The following SLC36A2 variants were observed in gnomAD, a reference collection of about 807,000 sequenced individuals.
SLC36A2 encodes solute carrier family 36 member 2.
SLC36A2 carries 39 observed loss-of-function variants against 42.7 expected under a neutral mutation model. The observed-to-expected ratio is 0.91, with a 90% CI of 0.71 to 1.19. The LOEUF is 1.19. Among genes scored for constraint, SLC36A2 ranks in the 50% most tolerant of loss-of-function variants. The pLI, the probability that SLC36A2 is intolerant of heterozygous loss-of-function variation, is 0.00. For synonymous variants in SLC36A2, 237 were observed against 240.8 expected, an observed-to-expected ratio of 0.98 and a Z score of 0.15; for missense variants, 590 against 613.7, an observed-to-expected ratio of 0.96 and a Z score of 0.41.
chr5:151,335,339 T>C lies in SLC36A2; in HGVS notation c.734A>G (p.Tyr245Cys). The C allele has an allele frequency of 6.2e-7, 1 of 1,612,404 alleles. No individual in the cohort carries two copies. ...MLVSLVIIIQ[Y>C]ITQEIPDPSR... ...ATGGTGTGCACTCACCTGGGTAATG[T>C]ACTGTATGATGATGACCAAGCTGAC... Residue 245 changes from tyrosine (Y) to cysteine (C), a missense_variant, in exon 6 of 10, where the codon TAC becomes TGC. Transcript: ENST00000335244.
At position 151,317,020 on chromosome 5, in the gene SLC36A2, C is replaced by T. The variant is rs201209744; in HGVS notation, c.1249G>A (p.Ala417Thr). 68 of 1,613,880 alleles carry T rather than the reference C, an allele frequency of 4.2e-5. No individual in the cohort carries two copies. Among genetic ancestry groups the T allele is most frequent in the Admixed American group, 6.7e-5 (4 of 59,988 alleles). ...AGCGGTGGGATGATGAGGGCCAGGG[C>T]GGTGCCACTCACGGAGCCCACCAGG... is the stretch of plus-strand genomic sequence containing the variant. Reference protein sequence around the residue: ...ISLVGSVSGTALALIIPPLLE... With the variant: ...ISLVGSVSGTTLALIIPPLLE... Residue 417 changes from alanine to threonine, a missense_variant, in exon 10 of 10, where the codon GCC becomes ACC. Physicochemically the swap from Ala to Thr is moderately conservative, Grantham distance 58. Coordinates refer to ENST00000335244, the MANE Select transcript of SLC36A2 (RefSeq NM_181776.3).
At chr5:151,322,015 G>C (rs376635179) in intron 9 of SLC36A2, 31 bp downstream of exon 9, 9 of 1,613,638 alleles carry the variant, frequency 5.6e-6, no homozygotes, top group Non-Finnish European at 7.6e-6. Context: ...GAAAAGATCA[G>C]CAGGAACACT....
rs1439097104 is a variant in SLC36A2 at position 151,324,812 on chromosome 5, A to T, written c.1010+474T>A. 2.6e-5 allele frequency among the ~76,000 whole-genome samples: 4 copies of T among 152,084 alleles called. No individual in the cohort carries two copies. The East Asian group carries it at 7.7e-4, about 29-fold the overall frequency. Reference sequence around the variant, plus strand: ...CATCATACTCAGCTAAGCTATGGAAATTTTTTTTGTAGAAGTGGGGTCTTA... The same window carrying T: ...CATCATACTCAGCTAAGCTATGGAATTTTTTTTTGTAGAAGTGGGGTCTTA... On this transcript the variant is annotated intron_variant, in intron 8 of 9. Transcript: ENST00000335244.
intron 8 of SLC36A2, among the ~76,000 whole-genome samples, chr5:151,323,467 A>G (rs1580846083): frequency 6.6e-6 from 1 of 152,172 alleles, no homozygotes; most frequent in East Asian, 1.9e-4. Flanking sequence ...ATCCTTGTAG[A>G]CACAGCTCAA....
At chr5:151,322,738 A>G (rs61067578) in intron 8 of SLC36A2, among the ~76,000 whole-genome samples, 21,552 of 152,212 alleles carry the variant, frequency 0.14, 1,964 homozygotes, top group East Asian at 0.4. Context: ...GACAGTTTAT[A>G]AATAGGGTTG....
At chr5:151,321,205 C>T (rs1464209066) in intron 9 of SLC36A2, among the ~76,000 whole-genome samples, 1 of 151,946 alleles carries the variant, frequency 6.6e-6, no homozygotes, top group Non-Finnish European at 1.5e-5. Context: ...GACTCTGTTG[C>T]CCAGGCTGGA....
rs2127294555 is a variant in SLC36A2 at position 151,335,407 on chromosome 5, C to T, written c.666G>A (p.Arg222=). The T allele has an allele frequency of 6.2e-7, 1 of 1,614,066 alleles. No homozygotes were observed. Among genetic ancestry groups the T allele is most frequent in the Non-Finnish European group, 8.5e-7 (1 of 1,180,010 alleles). Reference sequence around the variant, plus strand: ...CCAGCATGGAGAAGATGGTCAAGATCCTGAGGTTCCGGATGAGGACCAGCA... The same window carrying T: ...CCAGCATGGAGAAGATGGTCAAGATTCTGAGGTTCCGGATGAGGACCAGCA... ...LVLLVLIRNL[R]ILTIFSMLAN... The change falls in exon 6 of 10, where the codon AGG becomes AGA. Residue 222 remains arginine (R), a synonymous_variant. Coordinates refer to ENST00000335244, the MANE Select transcript of SLC36A2 (RefSeq NM_181776.3).
chr5:151,342,621 C>T (rs1476110032), intron 4 of SLC36A2, among the ~76,000 whole-genome samples: 3 of 152,148 alleles, frequency 2.0e-5, no homozygotes, highest in Non-Finnish European at 4.4e-5. Flanking sequence ...ATGACATGTC[C>T]AGGGCCATAG....
intron 7 of SLC36A2, among the ~76,000 whole-genome samples, chr5:151,332,059 G>A (rs1326839574): frequency 1.3e-5 from 2 of 151,998 alleles, no homozygotes; most frequent in African/African-American, 4.8e-5. Context: ...TAGAGACGGG[G>A]TTTCACTATG....
intron 2 of SLC36A2, among the ~76,000 whole-genome samples, 180 bp downstream of exon 2, chr5:151,343,997 G>A (rs1470580419): frequency 6.6e-6 from 1 of 152,136 alleles, no homozygotes; most frequent in East Asian, 1.9e-4. Flanking sequence ...CTTACCAAAG[G>A]TACTAAAGTC....
rs565020216 is a variant in SLC36A2 at position 151,322,575 on chromosome 5, T to C, written c.1011-360A>G. Among the ~76,000 whole-genome samples the C allele has an allele frequency of 5.3e-4, 80 of 152,364 alleles. 1 individual carries two copies. The South Asian group carries it at 0.015, about 29-fold the overall frequency. ...GATACTTTGCCCAGGGAGACACAGA[T>C]GATAAGTGGCTAAGACCAAAAGCCC... is the stretch of plus-strand genomic sequence containing the variant. On this transcript the variant is annotated intron_variant, in intron 8 of 9. Transcript: ENST00000335244.
intron 4 of SLC36A2, among the ~76,000 whole-genome samples, chr5:151,341,868 A>G (rs1756355266): frequency 6.6e-6 from 1 of 152,196 alleles, no homozygotes; most frequent in African/African-American, 2.4e-5. Context: ...AGAAGTGATC[A>G]TAAATCTGAG....
chr5:151,329,036 C>T (rs1257650030), intron 7 of SLC36A2, among the ~76,000 whole-genome samples: 2 of 152,226 alleles, frequency 1.3e-5, no homozygotes, highest in Admixed American at 6.5e-5. Context: ...GGCGAGTGTG[C>T]GGGAAAACAC....
rs540595220 is a variant in SLC36A2 at position 151,315,576 on chromosome 5, G to A, written c.*1241C>T. ...CAGGAGGTGGAGGTTGCAGTGAGCC[G>A]AGATTGTGCCATTGCACTCCAGCCT... On this transcript the variant is annotated 3_prime_UTR_variant, in exon 10 of 10. Coordinates refer to ENST00000335244, the MANE Select transcript of SLC36A2 (RefSeq NM_181776.3). 2.6e-3 allele frequency: 398 copies of A among 152,346 alleles called. 1 individual carries two copies. Among genetic ancestry groups the A allele is most frequent in the African/African-American group, 8.4e-3 (347 of 41,550 alleles). 9.4% of individuals were successfully genotyped at this position (152,346 alleles called of 1,614,324 possible).
intron 4 of SLC36A2, among the ~76,000 whole-genome samples, chr5:151,339,530 G>A (rs1008696239): frequency 6.6e-6 from 1 of 152,056 alleles, no homozygotes; most frequent in Non-Finnish European, 1.5e-5. Flanking sequence ...GGCTGATCTC[G>A]ATCTCCCGAC....
At chr5:151,341,878 G>A (rs904604512) in intron 4 of SLC36A2, among the ~76,000 whole-genome samples, 1 of 152,110 alleles carries the variant, frequency 6.6e-6, no homozygotes, top group African/African-American at 2.4e-5. Context: ...ATAAATCTGA[G>A]TCAATCTCGA....
At chr5:151,323,828 T>G (rs1755774449) in intron 8 of SLC36A2, among the ~76,000 whole-genome samples, 1 of 152,246 alleles carries the variant, frequency 6.6e-6, no homozygotes, top group African/African-American at 2.4e-5. Flanking sequence ...TCTACTCACA[T>G]CAGTGCCACT....
intron 7 of SLC36A2, among the ~76,000 whole-genome samples, chr5:151,332,245 A>G (rs913515185): frequency 5.3e-5 from 8 of 152,168 alleles, no homozygotes; most frequent in African/African-American, 1.9e-4. Context: ...ATATTTGCAA[A>G]CCATTTTTCT....
At chr5:151,341,721 C>T (rs1756350285) in intron 4 of SLC36A2, among the ~76,000 whole-genome samples, 1 of 152,134 alleles carries the variant, frequency 6.6e-6, no homozygotes, top group South Asian at 2.1e-4. Flanking sequence ...CCCTAAGAGA[C>T]CTCTCTGTCC....
Sources: gnomAD v4.1 joint callset for allele counts (sites outside exome capture counted in the v4.1 genomes callset) on GRCh38, gnomAD v4.1.1 for gene constraint, MANE v1.5 for transcripts, NCBI Gene and HGNC (gene_info 2026-07-23, HGNC 2026-07-21) for gene names.